The following CPS1 variants were observed in gnomAD, a reference collection of about 807,000 sequenced individuals.
CPS1 encodes the protein carbamoyl-phosphate synthase [ammonia], mitochondrial.
CPS1 carries 109 observed loss-of-function variants against 174.6 expected under a neutral mutation model. The ratio of observed to expected loss-of-function variants is 0.62; its 90% CI spans 0.53 to 0.73. The LOEUF (loss-of-function observed/expected upper bound fraction) is 0.73. CPS1 is among the 30% of genes least tolerant of loss of function. The probability of loss-of-function intolerance (pLI) is 0.00; values close to 1 mark genes in which losing one functional copy is unlikely to be tolerated. For synonymous variants in CPS1, 637 were observed against 632.0 expected (o/e 1.01, Z -0.12); for missense variants, 1,689 against 1,821.9 (o/e 0.93, Z 1.33).
intron 1 of CPS1, among the ~76,000 whole-genome samples, chr2:210,566,194 A>G (rs1284183205): frequency 2.0e-5 from 3 of 152,146 alleles, no homozygotes; most frequent in Non-Finnish European, 4.4e-5. Context: ...TCCTCACAGC[A>G]GGGCAGCAAG....
intron 1 of CPS1, among the ~76,000 whole-genome samples, chr2:210,496,430 T>A (rs1027361111): frequency 6.6e-6 from 1 of 152,168 alleles, no homozygotes; most frequent in Non-Finnish European, 1.5e-5. Context: ...TAGACACAAA[T>A]AAGAGCTAAC....
chr2:210,591,162 C>G lies in CPS1; in HGVS notation c.947+256C>G, dbSNP rs186874606. Among the ~76,000 whole-genome samples, 141 of 151,936 alleles carry G rather than the reference C, an allele frequency of 9.3e-4. 1 individual carries two copies. The highest frequency in any genetic ancestry group is 8.8e-5 in the Non-Finnish European group (6 of 67,912). ...TTTTGTTGCATTTTTGGAAAGCAGCCTTCTCTAATGATAACCTTGCTATAA... is the reference window on the plus strand; with the variant it reads ...TTTTGTTGCATTTTTGGAAAGCAGCGTTCTCTAATGATAACCTTGCTATAA... On this transcript the variant is annotated intron_variant, in intron 9 of 37. Coordinates refer to ENST00000233072, the MANE Select transcript of CPS1 (RefSeq NM_001875.5).
In CPS1 at chr2:210,599,442, A is replaced by G. The variant is rs1427759810; in HGVS notation, c.1430A>G (p.Lys477Arg). ...GTCCAGACCAATGAGGTGGGCTTAA[A>G]GCAAGCGGATACTGTCTACTTTCTT... ...ASVQTNEVGLKQADTVYFLPI... is the reference protein window; with the variant it reads ...ASVQTNEVGLRQADTVYFLPI... Residue 477 changes from lysine to arginine, a missense_variant, in exon 14 of 38, where the codon AAG becomes AGG. Lys to Arg is a conservative substitution (Grantham distance 26, BLOSUM62 2). Coordinates refer to ENST00000233072, the MANE Select transcript of CPS1 (RefSeq NM_001875.5). The G allele has an allele frequency of 1.2e-6, 2 of 1,612,516 alleles. No homozygotes were observed. Among genetic ancestry groups the G allele is most frequent in the Non-Finnish European group, 1.7e-6 (2 of 1,179,084 alleles).
intron 21 of CPS1, among the ~76,000 whole-genome samples, chr2:210,624,750 G>A (rs1699644989): frequency 6.6e-6 from 1 of 151,868 alleles, no homozygotes; most frequent in Non-Finnish European, 1.5e-5. Flanking sequence ...GTGCATTTTT[G>A]AATTTGTGAG....
chr2:210,654,473 G>C (rs1700648991), intron 29 of CPS1, among the ~76,000 whole-genome samples: 1 of 151,948 alleles, frequency 6.6e-6, no homozygotes, highest in Non-Finnish European at 1.5e-5. Context: ...ATCGAATCCT[G>C]GTTTTTCTTC....
Position 210,579,699 on chromosome 2 carries a change from A to G in CPS1, c.472-15A>G, listed in dbSNP as rs1697845859. ...CTCCTCCAATTTCACTGTCACTACA[A>G]TTTTTTTCTTATAGGTTCCTGCAAT... On this transcript the variant is annotated splice_polypyrimidine_tract_variant and intron_variant, in intron 4 of 37. Transcript: ENST00000233072. 1 of 1,608,676 alleles carries G rather than the reference A, an allele frequency of 6.2e-7. No individual in the cohort carries two copies. Among genetic ancestry groups the G allele is most frequent in the East Asian group, 2.2e-5 (1 of 44,830 alleles).
intron 16 of CPS1, among the ~76,000 whole-genome samples, chr2:210,604,811 C>T (rs1275886902): frequency 6.6e-6 from 1 of 151,922 alleles, no homozygotes; most frequent in Admixed American, 6.6e-5. Context: ...TTTCCCTCTG[C>T]CTGATTGCTC....
intron 12 of CPS1, 43 bp from the exon 13 acceptor site, chr2:210,595,444 C>A: frequency 7.3e-7 from 1 of 1,366,046 alleles, no homozygotes; most frequent in Non-Finnish European, 1.0e-6. Flanking sequence ...TTATTTCCCC[C>A]ATTTTAGCAG....
At chr2:210,573,443 T>G in intron 2 of CPS1, 36 bp downstream of exon 2, 1 of 1,458,806 alleles carries the variant, frequency 6.9e-7, no homozygotes, top group Non-Finnish European at 9.6e-7. Flanking sequence ...ATTTTTCCTC[T>G]AGTAGAGAAA....
chr2:210,577,654 A>G, intron 4 of CPS1, 144 bp downstream of exon 4: 2 of 740,868 alleles, frequency 2.7e-6, no homozygotes. Flanking sequence ...CTTACTACAT[A>G]AAGGCTGAAA....
At chr2:210,604,859 T>C in intron 16 of CPS1, 1 of 491,502 alleles carries the variant, frequency 2.0e-6, no homozygotes, top group Non-Finnish European at 3.7e-6. Context: ...TTTGATTTAC[T>C]GTCATATCAG....
At chr2:210,576,222 C>CT in intron 2 of CPS1, 124 bp from the exon 3 acceptor site, 1 of 1,083,498 alleles carries the variant, frequency 9.2e-7, no homozygotes, top group Middle Eastern at 2.0e-4. Flanking sequence ...ACGTTAAAAT[C>CT]TAGAGACATT....
intron 21 of CPS1, chr2:210,618,337 T>C (rs1699386104): frequency 6.6e-6 from 1 of 152,120 alleles, no homozygotes; most frequent in Non-Finnish European, 1.5e-5. Context: ...AAGCTTTATA[T>C]CATTTCAAAA....
chr2:210,499,666 TCCA>T (rs1258869497), intron 1 of CPS1, among the ~76,000 whole-genome samples: 2 of 152,292 alleles, frequency 1.3e-5, no homozygotes, highest in African/African-American at 4.8e-5. Context: ...TCTCAGCACT[TCCA>T]AGCCTCTCTC....
intron 33 of CPS1, among the ~76,000 whole-genome samples, chr2:210,665,630 C>A (rs1323032039): frequency 6.6e-6 from 1 of 151,854 alleles, no homozygotes; most frequent in African/African-American, 2.4e-5. Context: ...CCAATATCAT[C>A]CATGTCCCTA....
At chr2:210,525,806 GGAGAGA>G (rs3060375) in intron 1 of CPS1, among the ~76,000 whole-genome samples, 3 of 144,342 alleles carry the variant, frequency 2.1e-5, no homozygotes, top group South Asian at 4.5e-4. Flanking sequence ...AAAGTAAAAT[GGAGAGA>G]GAGAGAGAGA....
At chr2:210,563,402 G>A (rs1182778289) in intron 1 of CPS1, among the ~76,000 whole-genome samples, 1 of 152,092 alleles carries the variant, frequency 6.6e-6, no homozygotes, top group Non-Finnish European at 1.5e-5. Context: ...GTTTACAGTT[G>A]ACGTATTTCT....
chr2:210,602,174 A>C, intron 15 of CPS1, 28 bp from the exon 16 acceptor site: 1 of 1,611,440 alleles, frequency 6.2e-7, no homozygotes, highest in Non-Finnish European at 8.5e-7. Context: ...CAGCTTTTAA[A>C]ATGTTGAGTC....
At chr2:210,659,189 T>C (rs1266061599) in intron 31 of CPS1, among the ~76,000 whole-genome samples, 5 of 152,172 alleles carry the variant, frequency 3.3e-5, no homozygotes, top group African/African-American at 1.2e-4. Flanking sequence ...TCTGGGTAAC[T>C]TGTAGAGAAA....
Sources: gnomAD v4.1 joint callset for allele counts (sites outside exome capture counted in the v4.1 genomes callset) on GRCh38, gnomAD v4.1.1 for gene constraint, MANE v1.5 for transcripts, NCBI Gene and HGNC (gene_info 2026-07-23, HGNC 2026-07-21) for gene names.